ST6GALNAC5: variants seen among roughly 807,000 people sequenced by gnomAD.
ST6GALNAC5 encodes alpha-N-acetylgalactosaminide alpha-2,6-sialyltransferase 5.
ST6GALNAC5 carries 27 observed loss-of-function variants against 33.6 expected under a neutral mutation model. That is an observed-to-expected ratio of 0.80 (90% CI 0.59 to 1.11). The LOEUF is 1.11. Ranked by LOEUF, ST6GALNAC5 falls within the 50% of genes least tolerant of loss-of-function variation. The pLI, the probability that ST6GALNAC5 is intolerant of heterozygous loss-of-function variation, is 0.00. For synonymous variants in ST6GALNAC5, 194 were observed against 171.2 expected (o/e 1.13, Z -1.04); for missense variants, 428 against 454.0 (o/e 0.94, Z 0.52).
Position 76,868,962 on chromosome 1 carries a change from G to C in ST6GALNAC5, c.261+220G>C. ...TGTAGAAAATAGGGGTGAGGTGCGT[G>C]GACCCCAAAGCCTAATTTCCCAGCA... On this transcript the variant is annotated intron_variant, in intron 2 of 4. Coordinates refer to ENST00000477717, the MANE Select transcript of ST6GALNAC5 (RefSeq NM_030965.3). This position sits in a 1 kb window ranked among gnomAD's most constrained non-coding sequence, Gnocchi z 4.3. The C allele has an allele frequency of 1.5e-6, 1 of 683,460 alleles. No homozygotes were observed. The highest frequency in any genetic ancestry group is 3.3e-5 in the East Asian group (1 of 30,378). 42.3% of individuals were successfully genotyped at this position (683,460 alleles called of 1,614,324 possible).
chr1:76,907,131 G>C (rs1391378250), intron 2 of ST6GALNAC5, among the ~76,000 whole-genome samples: 2 of 152,078 alleles, frequency 1.3e-5, no homozygotes, highest in African/African-American at 4.8e-5. Flanking sequence ...CCTTCTTGTA[G>C]CCCTTCACTC....
At chr1:77,026,242 C>G (rs542930327) in intron 2 of ST6GALNAC5, among the ~76,000 whole-genome samples, 1 of 152,330 alleles carries the variant, frequency 6.6e-6, no homozygotes, top group South Asian at 2.1e-4. Flanking sequence ...GAGTCCTGGC[C>G]TGTTAGCCAG....
intron 2 of ST6GALNAC5, among the ~76,000 whole-genome samples, chr1:77,043,022 G>C (rs1351184912): frequency 6.6e-5 from 10 of 152,306 alleles, no homozygotes; most frequent in Admixed American, 5.2e-4. Flanking sequence ...ACACAGCCAT[G>C]TCTCAGGAAA....
Position 76,992,844 on chromosome 1 carries a change from C to T in ST6GALNAC5, c.262-51360C>T, listed in dbSNP as rs372907087. ...TCTGCCTTGCTGGCTGGGCCACAGA[C>T]GATTCCTGTGTATTTCCCAAAACAG... is the stretch of plus-strand genomic sequence containing the variant. On this transcript the variant is annotated intron_variant, in intron 2 of 4. Transcript: ENST00000477717. Among the ~76,000 whole-genome samples, 100 of 152,292 alleles carry T rather than the reference C, an allele frequency of 6.6e-4. 2 individuals are homozygous for T. The South Asian group carries it at 0.018, about 27-fold the overall frequency.
At chr1:76,999,444 T>A (rs1455781318) in intron 2 of ST6GALNAC5, among the ~76,000 whole-genome samples, 2 of 151,994 alleles carry the variant, frequency 1.3e-5, no homozygotes, top group East Asian at 3.9e-4. Flanking sequence ...GGTGACTTGG[T>A]TGATCTAGGT....
chr1:77,015,070 CACACACACACACACACAT>C (rs1650776307), intron 2 of ST6GALNAC5, among the ~76,000 whole-genome samples: 1 of 126,120 alleles, frequency 7.9e-6, no homozygotes, highest in African/African-American at 3.7e-5. Context: ...CACACACACA[CACACACACACACACACAT>C]GGAGCTTTAT....
chr1:76,917,889 G>T (rs1422730538), intron 2 of ST6GALNAC5, among the ~76,000 whole-genome samples: 1 of 152,016 alleles, frequency 6.6e-6, no homozygotes, highest in African/African-American at 2.4e-5. Flanking sequence ...TCAGTAGTAG[G>T]TGCTCCCTCT....
intron 2 of ST6GALNAC5, among the ~76,000 whole-genome samples, chr1:76,921,416 T>C (rs1163820192): frequency 1.3e-5 from 2 of 151,962 alleles, no homozygotes; most frequent in African/African-American, 4.8e-5. Context: ...AACAAAAAAA[T>C]GATTCTTAAA....
At chr1:77,030,815 C>T (rs182300229) in intron 2 of ST6GALNAC5, among the ~76,000 whole-genome samples, 1 of 152,326 alleles carries the variant, frequency 6.6e-6, no homozygotes, top group African/African-American at 2.4e-5. Context: ...TTTAAGCTAT[C>T]AATCCTATCT....
intron 2 of ST6GALNAC5, among the ~76,000 whole-genome samples, chr1:76,908,933 G>C (rs950875964): frequency 6.6e-6 from 1 of 152,116 alleles, no homozygotes; most frequent in African/African-American, 2.4e-5. Context: ...ATTTTCTGAA[G>C]TTATATATTA....
chr1:76,998,676 A>T (rs984836116), intron 2 of ST6GALNAC5, among the ~76,000 whole-genome samples: 6 of 152,180 alleles, frequency 3.9e-5, no homozygotes, highest in Non-Finnish European at 8.8e-5. Flanking sequence ...AGAGTTTTAA[A>T]ATTCCCCAGA....
chr1:76,915,562 A>T (rs907900362), intron 2 of ST6GALNAC5, among the ~76,000 whole-genome samples: 4 of 152,176 alleles, frequency 2.6e-5, no homozygotes, highest in African/African-American at 7.2e-5. Context: ...ATGAAACTGG[A>T]AATCATCATT....
chr1:76,907,099 C>T (rs1344068157), intron 2 of ST6GALNAC5, among the ~76,000 whole-genome samples: 2 of 152,148 alleles, frequency 1.3e-5, no homozygotes, highest in East Asian at 3.9e-4. Flanking sequence ...CCACTTGACT[C>T]TTTCAACATT....
intron 2 of ST6GALNAC5, among the ~76,000 whole-genome samples, chr1:77,006,826 C>T (rs1650437922): frequency 6.6e-6 from 1 of 152,156 alleles, no homozygotes. Flanking sequence ...GTTGGCCTAG[C>T]TCATGTTTCT....
intron 2 of ST6GALNAC5, among the ~76,000 whole-genome samples, chr1:76,956,387 C>A (rs1362175057): frequency 6.6e-6 from 1 of 152,084 alleles, no homozygotes; most frequent in Admixed American, 6.6e-5. Context: ...CTATTATTAC[C>A]CTCATTTTTC....
intron 2 of ST6GALNAC5, among the ~76,000 whole-genome samples, chr1:77,037,694 T>C (rs1651696604): frequency 1.3e-5 from 2 of 152,116 alleles, no homozygotes; most frequent in Admixed American, 6.5e-5. Flanking sequence ...CCCTAGGATC[T>C]ACATAGGAAC....
At chr1:76,968,781 G>A (rs963442519) in intron 2 of ST6GALNAC5, among the ~76,000 whole-genome samples, 1 of 152,168 alleles carries the variant, frequency 6.6e-6, no homozygotes, top group Admixed American at 6.5e-5. Flanking sequence ...GCCTGGTGGT[G>A]ACAAAATCTC....
At chr1:77,023,227 C>G (rs1008550344) in intron 2 of ST6GALNAC5, among the ~76,000 whole-genome samples, 1 of 152,158 alleles carries the variant, frequency 6.6e-6, no homozygotes, top group Non-Finnish European at 1.5e-5. Flanking sequence ...GTTATTTAAG[C>G]CACGCAACCA....
intron 2 of ST6GALNAC5, among the ~76,000 whole-genome samples, chr1:76,903,264 T>C (rs1646835207): frequency 6.6e-6 from 1 of 152,104 alleles, no homozygotes; most frequent in African/African-American, 2.4e-5. Context: ...GGCATACAAA[T>C]AGACAAAGCA....
Sources: allele counts gnomAD v4.1 joint callset (sites outside exome capture counted in the v4.1 genomes callset), GRCh38; gene constraint gnomAD v4.1.1; non-coding constraint Gnocchi (gnomAD v3.1); transcripts MANE v1.5; gene names NCBI Gene and HGNC (gene_info 2026-07-23, HGNC 2026-07-21).